Variants in KCNQ5 observed in about 807,000 individuals in gnomAD.
KCNQ5 encodes potassium voltage-gated channel subfamily Q member 5, also known as potassium voltage-gated channel subfamily KQT member 5.
Under a neutral mutation model 98.2 loss-of-function variants are expected in KCNQ5, and 30 were observed. That is an observed-to-expected ratio of 0.31 (90% confidence interval 0.23 to 0.41). The LOEUF (loss-of-function observed/expected upper bound fraction) is 0.41. KCNQ5 is among the 10% of genes least tolerant of loss of function. The probability of loss-of-function intolerance (pLI) is 1.00; values close to 1 mark genes in which losing one functional copy is unlikely to be tolerated. For missense variants in KCNQ5, 835 were observed against 1,182.5 expected (o/e 0.71, Z 4.31); for synonymous variants, 458 against 449.4 (o/e 1.02, Z -0.24).
intron 1 of KCNQ5, among the ~76,000 whole-genome samples, chr6:72,778,889 A>G (rs1349200035): frequency 6.6e-6 from 1 of 152,222 alleles, no homozygotes; most frequent in African/African-American, 2.4e-5. Context: ...TTGAATATAG[A>G]AGAGGTGCCA....
At chr6:72,873,202 A>AAT in intron 1 of KCNQ5, among the ~76,000 whole-genome samples, 1 of 152,238 alleles carries the variant, frequency 6.6e-6, no homozygotes, top group South Asian at 2.1e-4. Context: ...CTCTGTTATT[A>AAT]ATATTGCTGA....
intron 2 of KCNQ5, among the ~76,000 whole-genome samples, chr6:73,036,343 A>G (rs534085692): frequency 2.1e-4 from 30 of 144,072 alleles, no homozygotes; most frequent in Admixed American, 1.2e-3. Context: ...CCGAGATCGC[A>G]CCACTGCACT....
At chr6:72,821,041 T>C (rs914156344) in intron 1 of KCNQ5, among the ~76,000 whole-genome samples, 4 of 152,038 alleles carry the variant, frequency 2.6e-5, no homozygotes, top group African/African-American at 9.7e-5. Flanking sequence ...AAGACATAGG[T>C]CTCACCAACG....
chr6:72,809,638 C>G (rs1406931118), intron 1 of KCNQ5, among the ~76,000 whole-genome samples: 2 of 152,122 alleles, frequency 1.3e-5, no homozygotes, highest in Non-Finnish European at 2.9e-5. Context: ...GTAAAAATTA[C>G]AATCCATGTG....
intron 5 of KCNQ5, among the ~76,000 whole-genome samples, chr6:73,098,678 A>G (rs1050875713): frequency 1.3e-5 from 2 of 152,200 alleles, no homozygotes; most frequent in East Asian, 3.8e-4. Context: ...TGAAGGAGAA[A>G]TAAAGACTTT....
At chr6:72,676,360 T>G (rs1440750873) in intron 1 of KCNQ5, among the ~76,000 whole-genome samples, 1 of 152,178 alleles carries the variant, frequency 6.6e-6, no homozygotes, top group Non-Finnish European at 1.5e-5. Context: ...AGAATAAAAT[T>G]TCCATCATAA....
chr6:73,164,617 T>C (rs1777725852), intron 10 of KCNQ5, among the ~76,000 whole-genome samples: 1 of 152,190 alleles, frequency 6.6e-6, no homozygotes, highest in African/African-American at 2.4e-5. Flanking sequence ...CGCAGGTTCA[T>C]TTATGTGTGA....
intron 1 of KCNQ5, among the ~76,000 whole-genome samples, chr6:72,739,305 G>T (rs1771009805): frequency 6.6e-6 from 1 of 152,132 alleles, no homozygotes; most frequent in Non-Finnish European, 1.5e-5. Context: ...ATAGAAATCA[G>T]CTACGTAATT....
intron 1 of KCNQ5, among the ~76,000 whole-genome samples, chr6:72,956,465 T>C (rs1293663633): frequency 6.7e-6 from 1 of 150,326 alleles, no homozygotes; most frequent in Non-Finnish European, 1.5e-5. Flanking sequence ...ATTGGTTTTG[T>C]TGTTATTTGG....
intron 1 of KCNQ5, among the ~76,000 whole-genome samples, chr6:72,754,156 GTTAAC>G (rs1771836476): frequency 6.6e-6 from 1 of 152,002 alleles, no homozygotes. Flanking sequence ...TTACTTATAG[GTTAAC>G]TTAAGGTGCC....
At chr6:72,934,773 C>T (rs1025551264) in intron 1 of KCNQ5, among the ~76,000 whole-genome samples, 2 of 152,096 alleles carry the variant, frequency 1.3e-5, no homozygotes, top group African/African-American at 4.8e-5. Context: ...TATGTTTTTT[C>T]ACTCCACTGA....
At chr6:72,944,196 T>C (rs889828944) in intron 1 of KCNQ5, among the ~76,000 whole-genome samples, 1 of 152,240 alleles carries the variant, frequency 6.6e-6, no homozygotes, top group Non-Finnish European at 1.5e-5. Flanking sequence ...TATTAGTTTA[T>C]GTATTGTCTC....
chr6:73,069,014 C>T (rs1773192041), intron 3 of KCNQ5, among the ~76,000 whole-genome samples: 1 of 152,166 alleles, frequency 6.6e-6, no homozygotes, highest in Non-Finnish European at 1.5e-5. Context: ...GCCTTGCCAA[C>T]ATTGACAATT....
At chr6:72,889,622 T>G (rs1423019529) in intron 1 of KCNQ5, among the ~76,000 whole-genome samples, 2 of 152,074 alleles carry the variant, frequency 1.3e-5, no homozygotes, top group Admixed American at 6.6e-5. Context: ...AGCAGCAAAA[T>G]CAGTCTATCA....
At chr6:73,164,182 C>T (rs1777711022) in intron 10 of KCNQ5, among the ~76,000 whole-genome samples, 1 of 152,122 alleles carries the variant, frequency 6.6e-6, no homozygotes, top group Non-Finnish European at 1.5e-5. Flanking sequence ...TGTGATTTCA[C>T]TTAAAGTCAC....
intron 11 of KCNQ5, among the ~76,000 whole-genome samples, chr6:73,185,937 T>C (rs1029777279): frequency 6.6e-6 from 1 of 152,132 alleles, no homozygotes; most frequent in African/African-American, 2.4e-5. Flanking sequence ...TTCAAAAATA[T>C]CTATGGGCCA....
chr6:72,912,727 C>G (rs1368536471), intron 1 of KCNQ5, among the ~76,000 whole-genome samples: 2 of 151,960 alleles, frequency 1.3e-5, no homozygotes, highest in Non-Finnish European at 2.9e-5. Context: ...TCTTCATGAC[C>G]GTTGTATCAA....
At chr6:72,874,076 T>G (rs1377556612) in intron 1 of KCNQ5, among the ~76,000 whole-genome samples, 1 of 151,716 alleles carries the variant, frequency 6.6e-6, no homozygotes, top group Non-Finnish European at 1.5e-5. Context: ...TGATATTATA[T>G]TTAATGTTTT....
intron 3 of KCNQ5, among the ~76,000 whole-genome samples, chr6:73,070,068 C>A (rs117703039): frequency 6.6e-6 from 1 of 151,740 alleles, no homozygotes; most frequent in Admixed American, 6.6e-5. Flanking sequence ...AGATATGAGA[C>A]GAGGAAGACA....
Sources: allele counts gnomAD v4.1 joint callset (sites outside exome capture counted in the v4.1 genomes callset), GRCh38; gene constraint gnomAD v4.1.1; transcripts MANE v1.5; gene names NCBI Gene and HGNC (gene_info 2026-07-23, HGNC 2026-07-21).